ZNF407: variants seen among roughly 807,000 people sequenced by gnomAD.
ZNF407 encodes zinc finger protein 407.
In ZNF407, 17 loss-of-function variants were observed where a neutral mutation model predicts 131.2. That is an observed-to-expected ratio of 0.13 (90% confidence interval 0.09 to 0.19). ZNF407 has a LOEUF of 0.19. ZNF407 is among the 10% of genes least tolerant of loss of function. The pLI, the probability that ZNF407 is intolerant of heterozygous loss-of-function variation, is 1.00. For synonymous variants in ZNF407, 1,156 were observed against 1,062.0 expected (o/e 1.09, Z -1.72); for missense variants, 2,681 against 2,830.6 (o/e 0.95, Z 1.20).
At chr18:74,808,781 T>C (rs1336072928) in intron 4 of ZNF407, among the ~76,000 whole-genome samples, 1 of 152,186 alleles carries the variant, frequency 6.6e-6, no homozygotes, top group Non-Finnish European at 1.5e-5. Context: ...CTTGTGCTTG[T>C]TGAGTGTCAT....
At chr18:74,864,723 T>C (rs1330084319) in intron 4 of ZNF407, among the ~76,000 whole-genome samples, 2 of 152,174 alleles carry the variant, frequency 1.3e-5, no homozygotes, top group African/African-American at 4.8e-5. Context: ...TAGAAAATAA[T>C]TGAAGTGTTA....
At chr18:74,598,900 G>A (rs550045863) in intron 1 of ZNF407, among the ~76,000 whole-genome samples, 1 of 152,190 alleles carries the variant, frequency 6.6e-6, no homozygotes, top group Non-Finnish European at 1.5e-5. Context: ...GGGAGTTTTG[G>A]AATAGGACAT....
intron 3 of ZNF407, among the ~76,000 whole-genome samples, chr18:74,660,674 G>A (rs1487322079): frequency 1.3e-5 from 2 of 152,084 alleles, no homozygotes; most frequent in African/African-American, 4.8e-5. Context: ...ATACACAAAA[G>A]CACAGCATAT....
At chr18:74,845,630 A>G (rs1387659772) in intron 4 of ZNF407, among the ~76,000 whole-genome samples, 1 of 129,092 alleles carries the variant, frequency 7.7e-6, no homozygotes, top group Non-Finnish European at 1.8e-5. Context: ...ATTACACTAT[A>G]ACTAAAAGCT....
chr18:74,823,930 C>T (rs1000657879), intron 4 of ZNF407, among the ~76,000 whole-genome samples: 2 of 152,186 alleles, frequency 1.3e-5, no homozygotes, highest in South Asian at 2.1e-4. Context: ...CACCTCATTG[C>T]ACTTATTCTA....
At chr18:74,764,625 C>A (rs1010116741) in intron 3 of ZNF407, among the ~76,000 whole-genome samples, 1 of 152,306 alleles carries the variant, frequency 6.6e-6, no homozygotes, top group African/African-American at 2.4e-5. Flanking sequence ...TAGAGATGAT[C>A]TAAAGTATAT....
intron 3 of ZNF407, among the ~76,000 whole-genome samples, chr18:74,719,501 G>T (rs143851335): frequency 3.3e-4 from 51 of 152,300 alleles, no homozygotes; most frequent in African/African-American, 9.9e-4. Flanking sequence ...CCGGGTTCAC[G>T]CCATTCTCCT....
chr18:75,013,151 G>A (rs893457355), intron 8 of ZNF407, among the ~76,000 whole-genome samples: 2 of 152,090 alleles, frequency 1.3e-5, no homozygotes, highest in African/African-American at 2.4e-5. Context: ...GATCGCCTGC[G>A]TGGGAGTCAG....
intron 3 of ZNF407, among the ~76,000 whole-genome samples, chr18:74,726,422 G>A (rs1312610266): frequency 6.6e-6 from 1 of 152,156 alleles, no homozygotes; most frequent in Non-Finnish European, 1.5e-5. Context: ...ACTATGCATG[G>A]AAGGAATAAC....
At position 74,632,270 on chromosome 18, in the gene ZNF407, G is replaced by A. The variant is rs1421244209; in HGVS notation, c.1251G>A (p.Glu417=). The A allele has an allele frequency of 2.5e-6, 4 of 1,613,824 alleles. No homozygotes were observed. The African/African-American group carries it at 5.3e-5, about 22-fold the overall frequency. ...GTGTAACCTCGAGGCCAAGACCTGA[G>A]CGAAATATTCTCGTGTTGGGTAATA... is the stretch of plus-strand genomic sequence containing the variant. The part of the protein sequence containing the change: ...GNSVTSRPRP[E]RNILVLGNSF... Residue 417 remains glutamate (E), a synonymous_variant, in exon 2 of 9, where the codon GAG becomes GAA. Transcript: ENST00000299687.
intron 8 of ZNF407, among the ~76,000 whole-genome samples, chr18:75,032,394 C>T (rs1228402011): frequency 1.3e-5 from 2 of 152,212 alleles, no homozygotes; most frequent in African/African-American, 4.8e-5. Flanking sequence ...TGACTGTGCA[C>T]TGCCCTCAGC....
chr18:74,818,865 TAAAAA>T (rs11392274), intron 4 of ZNF407, among the ~76,000 whole-genome samples: 3 of 139,438 alleles, frequency 2.2e-5, no homozygotes, highest in East Asian at 4.1e-4. Context: ...CATTGAACAG[TAAAAA>T]AAAAAAAAAA....
At chr18:74,932,497 G>A (rs183824668) in intron 8 of ZNF407, among the ~76,000 whole-genome samples, 30 of 152,198 alleles carry the variant, frequency 2.0e-4, no homozygotes, top group African/African-American at 7.0e-4. Flanking sequence ...CATCTGAGAC[G>A]TAATTTAAAC....
At chr18:74,862,756 C>G (rs1031119432) in intron 4 of ZNF407, among the ~76,000 whole-genome samples, 1 of 152,102 alleles carries the variant, frequency 6.6e-6, no homozygotes, top group African/African-American at 2.4e-5. Flanking sequence ...AGCTTTGCTT[C>G]CCTTTTTGCC....
intron 3 of ZNF407, among the ~76,000 whole-genome samples, chr18:74,654,929 A>C (rs1985385810): frequency 6.6e-6 from 1 of 151,922 alleles, no homozygotes; most frequent in Non-Finnish European, 1.5e-5. Flanking sequence ...GTTGCCCTGT[A>C]CATTTTTCTT....
chr18:74,799,790 A>C (rs1312435884), intron 4 of ZNF407, among the ~76,000 whole-genome samples: 2 of 152,056 alleles, frequency 1.3e-5, no homozygotes, highest in African/African-American at 4.8e-5. Flanking sequence ...GTATCCTACA[A>C]GTAGCAATAG....
rs2145121896 is a variant in ZNF407, at chr18:74,834,097, T to C, written c.4878-43100T>C. On this transcript the variant is annotated intron_variant, in intron 4 of 8. Coordinates refer to ENST00000299687, the MANE Select transcript of ZNF407 (RefSeq NM_017757.3). ...AAATCTAACCTTTATCAAACTTTGC[T>C]GTATATACTTTTCTCTCATTTGTTC... 1.3e-5 allele frequency among the ~76,000 whole-genome samples: 2 copies of C among 152,368 alleles called. 1 individual carries two copies. The highest frequency in any genetic ancestry group is 4.1e-4 in the South Asian group (2 of 4,830).
At position 75,017,154 on chromosome 18, in the gene ZNF407, A is replaced by G. The variant is rs149000914; in HGVS notation, c.5429-45996A>G. Among the ~76,000 whole-genome samples the G allele has an allele frequency of 4.0e-3, 603 of 152,266 alleles. 2 individuals are homozygous for G. Among genetic ancestry groups the G allele is most frequent in the Non-Finnish European group, 7.0e-3 (476 of 68,002 alleles). On this transcript the variant is annotated intron_variant, in intron 8 of 8. Transcript: ENST00000299687. ...TTGTCTGAGATCTCAGTAAAATTAC[A>G]TGTAGGAAATTTACCATTACTATGA...
intron 3 of ZNF407, among the ~76,000 whole-genome samples, chr18:74,729,918 C>T (rs922045879): frequency 2.6e-5 from 4 of 152,126 alleles, no homozygotes; most frequent in Admixed American, 6.5e-5. Context: ...GGCAGTGATG[C>T]ATTATATAGT....
Sources: allele counts gnomAD v4.1 joint callset (sites outside exome capture counted in the v4.1 genomes callset), GRCh38; gene constraint gnomAD v4.1.1; transcripts MANE v1.5; gene names NCBI Gene and HGNC (gene_info 2026-07-23, HGNC 2026-07-21).